ARHGEF26: variants seen among roughly 807,000 people sequenced by gnomAD.
ARHGEF26 encodes Rho guanine nucleotide exchange factor (GEF) 26.
A neutral mutation model predicts 89.4 loss-of-function variants in ARHGEF26; 59 were observed. The observed-to-expected ratio is 0.66, with a 90% CI of 0.54 to 0.82. The LOEUF (loss-of-function observed/expected upper bound fraction) is 0.82. ARHGEF26 is among the 40% of genes least tolerant of loss of function. The pLI is 0.00. For synonymous variants in ARHGEF26, 500 were observed against 428.4 expected (o/e 1.17, Z -2.06); for missense variants, 1,234 against 1,085.6 (o/e 1.14, Z -1.92).
chr3:154,241,816 A>T (rs564672794), intron 12 of ARHGEF26, among the ~76,000 whole-genome samples: 78 of 152,358 alleles, frequency 5.1e-4, no homozygotes, highest in African/African-American at 1.9e-3. Flanking sequence ...GGGTAATTAG[A>T]CATCATAACC....
intron 9 of ARHGEF26, among the ~76,000 whole-genome samples, chr3:154,202,261 A>G (rs1484364434): frequency 6.6e-6 from 1 of 152,132 alleles, no homozygotes; most frequent in Non-Finnish European, 1.5e-5. Flanking sequence ...TTAAATAGGG[A>G]TTCCTTTCCC....
chr3:154,246,535 T>G (rs1717809000), intron 12 of ARHGEF26, among the ~76,000 whole-genome samples: 1 of 152,214 alleles, frequency 6.6e-6, no homozygotes, highest in African/African-American at 2.4e-5. Context: ...CTAAAAATGC[T>G]TGGTCTGCAA....
At chr3:154,162,912 C>G (rs1042600032) in intron 6 of ARHGEF26, among the ~76,000 whole-genome samples, 43 of 152,178 alleles carry the variant, frequency 2.8e-4, no homozygotes, top group Admixed American at 2.0e-3. Flanking sequence ...ATAAACGATG[C>G]TTTTAGAAAG....
chr3:154,122,408 C>T lies in ARHGEF26; in HGVS notation c.416C>T (p.Pro139Leu), dbSNP rs1357828139. 1.9e-6 allele frequency: 3 copies of T among 1,609,968 alleles called. No individual in the cohort carries two copies. Among genetic ancestry groups the T allele is most frequent in the South Asian group, 1.1e-5 (1 of 90,932 alleles). The part of the protein sequence containing the change: ...ANGAVTLPAP[P>L]PPPVLRPPRT... ...GGCGCGGTGACCTTGCCTGCGCCGCCGCCGCCGCCGGTTCTGCGCCCCCCG... is the reference window on the plus strand; with the variant it reads ...GGCGCGGTGACCTTGCCTGCGCCGCTGCCGCCGCCGGTTCTGCGCCCCCCG... The change falls in exon 2 of 15, where the codon CCG (proline) becomes CTG (leucine). Residue 139 changes from proline to leucine, a missense_variant. Physicochemically the swap from Pro to Leu is moderately conservative, Grantham distance 98. Coordinates refer to ENST00000465093, the MANE Select transcript of ARHGEF26 (RefSeq NM_015595.4).
chr3:154,240,778 T>C (rs1717441344), intron 12 of ARHGEF26, among the ~76,000 whole-genome samples, 199 bp downstream of exon 12: 1 of 152,222 alleles, frequency 6.6e-6, no homozygotes, highest in South Asian at 2.1e-4. Flanking sequence ...AGAAGGATGT[T>C]GTTATTTTTT....
intron 9 of ARHGEF26, among the ~76,000 whole-genome samples, chr3:154,202,898 G>A (rs1028030894): frequency 1.3e-5 from 2 of 152,088 alleles, no homozygotes. Context: ...GAGATTTTGG[G>A]TTGAGACGAT....
chr3:154,191,651 C>T (rs1473086351), intron 8 of ARHGEF26, among the ~76,000 whole-genome samples: 1 of 152,104 alleles, frequency 6.6e-6, no homozygotes, highest in Non-Finnish European at 1.5e-5. Context: ...TCTCATCACC[C>T]ACTTACTCAG....
chr3:154,142,728 G>A (rs1200614113), intron 4 of ARHGEF26, among the ~76,000 whole-genome samples: 1 of 152,170 alleles, frequency 6.6e-6, no homozygotes, highest in Non-Finnish European at 1.5e-5. Context: ...CGCAAGAGAG[G>A]AACATCAGAC....
At chr3:154,215,628 C>G (rs1374062848) in intron 9 of ARHGEF26, among the ~76,000 whole-genome samples, 1 of 150,992 alleles carries the variant, frequency 6.6e-6, no homozygotes, top group South Asian at 2.1e-4. Flanking sequence ...GCTGGGCAGT[C>G]CAAGACCAAG....
At chr3:154,138,414 G>A (rs1313637819) in intron 4 of ARHGEF26, among the ~76,000 whole-genome samples, 1 of 152,070 alleles carries the variant, frequency 6.6e-6, no homozygotes, top group African/African-American at 2.4e-5. Context: ...TGCAGCGTTG[G>A]AACTTTATGT....
chr3:154,162,759 C>A (rs2108120714), intron 6 of ARHGEF26, among the ~76,000 whole-genome samples: 1 of 152,168 alleles, frequency 6.6e-6, no homozygotes, highest in East Asian at 1.9e-4. Flanking sequence ...ACTTACCTCG[C>A]CCCCTGAGCT....
In ARHGEF26 at chr3:154,256,808, T is replaced by C; in HGVS notation, c.*1335T>C. ...TCTATTTGCACTAAAAGCCTTAACT[T>C]GCTGTATTCAGAGTCCCTCTTAACT... On this transcript the variant is annotated 3_prime_UTR_variant, in exon 15 of 15. Transcript: ENST00000465093. 1 of 1,505,296 alleles carries C rather than the reference T, an allele frequency of 6.6e-7. No homozygotes were observed. The highest frequency in any genetic ancestry group is 2.5e-5 in the East Asian group (1 of 40,078). The allele number at this position is 1,505,296 out of a possible 1,614,324, so 93.2% of individuals were successfully genotyped here.
chr3:154,184,603 G>A (rs1329685760), intron 6 of ARHGEF26, among the ~76,000 whole-genome samples: 2 of 152,092 alleles, frequency 1.3e-5, no homozygotes, highest in African/African-American at 4.8e-5. Context: ...CCCATCTAAT[G>A]CGTTTCTTGA....
At position 154,124,542 on chromosome 3, in the gene ARHGEF26, G is replaced by A. The variant is rs931177887; in HGVS notation, c.1123+93G>A. The A allele has an allele frequency of 1.7e-5, 19 of 1,137,646 alleles. No individual in the cohort carries two copies. In the African/African-American group the frequency reaches 2.8e-4, roughly 17 times the overall value. The allele number at this position is 1,137,646 out of a possible 1,614,324, so 70.5% of individuals were successfully genotyped here. ...CAACTGCAGTAACAAAAATGCTTAC[G>A]ATGAGAAATATGTCCAACTTCTTCT... On this transcript the variant is annotated intron_variant, in intron 3 of 14. Transcript: ENST00000465093.
chr3:154,204,979 A>G (rs1714922700), intron 9 of ARHGEF26, among the ~76,000 whole-genome samples: 1 of 152,172 alleles, frequency 6.6e-6, no homozygotes, highest in Non-Finnish European at 1.5e-5. Flanking sequence ...TGTATTTTAT[A>G]GCTCCTGGAT....
chr3:154,230,741 G>A (rs1000024094), intron 11 of ARHGEF26, among the ~76,000 whole-genome samples: 1 of 152,084 alleles, frequency 6.6e-6, no homozygotes, highest in South Asian at 2.1e-4. Context: ...ACTGTGTATA[G>A]CTTGAGCCCT....
chr3:154,249,505 A>C (rs936132295), intron 12 of ARHGEF26, among the ~76,000 whole-genome samples: 12 of 152,246 alleles, frequency 7.9e-5, no homozygotes, highest in Admixed American at 1.3e-4. Context: ...TTTTCAATTT[A>C]GTCGTCTTTC....
chr3:154,213,216 A>AGAGTGTGTGT (rs1553747872), intron 9 of ARHGEF26, among the ~76,000 whole-genome samples: 25 of 142,030 alleles, frequency 1.8e-4, no homozygotes, highest in African/African-American at 5.9e-4. Flanking sequence ...AGAGAGAGAG[A>AGAGTGTGTGT]GTGTGTGTGT....
chr3:154,153,316 A>G (rs533742288), intron 6 of ARHGEF26, among the ~76,000 whole-genome samples: 1 of 152,232 alleles, frequency 6.6e-6, no homozygotes, highest in Admixed American at 6.6e-5. Context: ...TTAATAATAT[A>G]TATTTTCATT....
Sources: allele counts gnomAD v4.1 joint callset (sites outside exome capture counted in the v4.1 genomes callset), GRCh38; gene constraint gnomAD v4.1.1; transcripts MANE v1.5; gene names NCBI Gene and HGNC (gene_info 2026-07-23, HGNC 2026-07-21).